Variants in EIF4G3 observed in about 807,000 individuals in gnomAD.
EIF4G3 encodes eukaryotic translation initiation factor 4 gamma 3.
In EIF4G3, 34 loss-of-function variants were observed where a neutral mutation model predicts 186.4. That is an observed-to-expected ratio of 0.18 (90% CI 0.14 to 0.24). The LOEUF (loss-of-function observed/expected upper bound fraction) is 0.24, where lower values mean the gene tolerates loss of function less well. Ranked by LOEUF, EIF4G3 falls within the 10% of genes least tolerant of loss-of-function variation. The pLI, the probability that EIF4G3 is intolerant of heterozygous loss-of-function variation, is 1.00. For synonymous variants in EIF4G3, 673 were observed against 679.5 expected, an observed-to-expected ratio of 0.99 and a Z score of 0.15; for missense variants, 1,536 against 1,948.5, an observed-to-expected ratio of 0.79 and a Z score of 3.99.
rs201615179 is a variant in EIF4G3, at chr1:20,817,287, TA to T, written c.4515+104del. 363 of 368,902 alleles carry T rather than the reference TA, an allele frequency of 9.8e-4. 4 individuals carry two copies. Among genetic ancestry groups the T allele is most frequent in the African/African-American group, 6.0e-3 (206 of 34,360 alleles). The allele number at this position is 368,902 out of a possible 1,614,324, so 22.9% of individuals were successfully genotyped here. A position where few individuals can be genotyped will look rare whatever the true frequency, so the allele number is the denominator to read the frequency against. The stretch of plus-strand genomic sequence containing the variant: ...AAAAAAATAAATAAATAAAAAAAAA[TA>T]AAAATAAAAATTCATGAAGTGAACT... On this transcript the variant is annotated intron_variant, in intron 34 of 36. Coordinates refer to ENST00000602326, the MANE Select transcript of EIF4G3 (RefSeq NM_001391906.1).
intron 4 of EIF4G3, among the ~76,000 whole-genome samples, chr1:21,028,741 C>A (rs1312128129): frequency 6.6e-6 from 1 of 152,164 alleles, no homozygotes; most frequent in Non-Finnish European, 1.5e-5. Context: ...TATGGCCTGT[C>A]GAGCTGTTGG....
At chr1:21,008,049 C>T (rs10916921) in intron 4 of EIF4G3, among the ~76,000 whole-genome samples, 56,141 of 151,990 alleles carry the variant, frequency 0.37, 11,011 homozygotes, top group Non-Finnish European at 0.43. Context: ...CTTTGGGAGG[C>T]CAAGACTGGA....
intron 2 of EIF4G3, among the ~76,000 whole-genome samples, chr1:21,101,577 A>G (rs1449938934): frequency 3.1e-5 from 4 of 130,172 alleles, no homozygotes; most frequent in African/African-American, 1.1e-4. Context: ...AAAAAAAAAC[A>G]ACAAAAAAAA....
intron 7 of EIF4G3, among the ~76,000 whole-genome samples, chr1:20,995,244 T>C (rs1210435677): frequency 2.0e-5 from 3 of 152,246 alleles, no homozygotes; most frequent in East Asian, 1.9e-4. Context: ...CGAACCCAAG[T>C]AGCAGAAACA....
chr1:20,850,186 AG>A (rs1385480891), intron 28 of EIF4G3, among the ~76,000 whole-genome samples: 1 of 152,232 alleles, frequency 6.6e-6, no homozygotes, highest in Non-Finnish European at 1.5e-5. Flanking sequence ...AGCAGACTGA[AG>A]GCCGAGAACA....
At chr1:20,857,878 G>C (rs1020476325) in intron 24 of EIF4G3, among the ~76,000 whole-genome samples, 4 of 152,094 alleles carry the variant, frequency 2.6e-5, no homozygotes, top group African/African-American at 9.7e-5. Context: ...GTATTTAATG[G>C]GATCAAATGA....
At chr1:21,033,503 G>A (rs1407695369) in intron 4 of EIF4G3, among the ~76,000 whole-genome samples, 3 of 151,980 alleles carry the variant, frequency 2.0e-5, no homozygotes, top group Non-Finnish European at 2.9e-5. Context: ...ACAAAAGACA[G>A]GCAAGGAACA....
chr1:20,845,718 T>C (rs2070743426), intron 29 of EIF4G3, among the ~76,000 whole-genome samples: 1 of 152,042 alleles, frequency 6.6e-6, no homozygotes, highest in African/African-American at 2.4e-5. Context: ...TATATATAGT[T>C]TGAAGTAGGG....
chr1:20,990,157 G>C (rs184314610), intron 7 of EIF4G3, among the ~76,000 whole-genome samples: 2 of 152,286 alleles, frequency 1.3e-5, no homozygotes, highest in South Asian at 4.1e-4. Flanking sequence ...ATGGGTGACA[G>C]AGCAAGACTC....
At chr1:20,893,332 A>G in intron 18 of EIF4G3, 185 bp downstream of exon 18, 1 of 558,308 alleles carries the variant, frequency 1.8e-6, no homozygotes, top group Admixed American at 4.1e-5. Flanking sequence ...GCTTCTGCCA[A>G]GTAAAAAGAA....
intron 24 of EIF4G3, among the ~76,000 whole-genome samples, chr1:20,857,799 A>G (rs1319950221): frequency 1.3e-5 from 2 of 152,364 alleles, no homozygotes; most frequent in Middle Eastern, 3.4e-3. Context: ...TAAATCCAGT[A>G]TTCACAGAAT....
At chr1:20,908,578 CA>C (rs2092666486) in intron 14 of EIF4G3, among the ~76,000 whole-genome samples, 1 of 152,124 alleles carries the variant, frequency 6.6e-6, no homozygotes, top group African/African-American at 2.4e-5. Context: ...GCGCACCTTA[CA>C]GTAACATTTT....
At chr1:21,094,045 T>C (rs2096281449) in intron 2 of EIF4G3, among the ~76,000 whole-genome samples, 2 of 151,904 alleles carry the variant, frequency 1.3e-5, no homozygotes, top group Non-Finnish European at 2.9e-5. Context: ...ATGGCGCATG[T>C]ACACATGTAA....
At chr1:20,826,945 T>C (rs1413397936) in intron 32 of EIF4G3, among the ~76,000 whole-genome samples, 1 of 152,168 alleles carries the variant, frequency 6.6e-6, no homozygotes, top group Non-Finnish European at 1.5e-5. Context: ...ATTTAGTACA[T>C]CTGTTTATGA....
At chr1:20,893,228 G>C (rs2086744010) in intron 18 of EIF4G3, 1 of 225,992 alleles carries the variant, frequency 4.4e-6, no homozygotes, top group South Asian at 1.4e-4. Flanking sequence ...CACCATCCCT[G>C]GCCATGGTTG....
chr1:20,857,082 G>C (rs1457458898), intron 25 of EIF4G3, among the ~76,000 whole-genome samples: 1 of 149,398 alleles, frequency 6.7e-6, no homozygotes, highest in Non-Finnish European at 1.5e-5. Context: ...AGAATGTTGT[G>C]AACTCGGGAG....
At chr1:21,098,007 G>A (rs539488212) in intron 2 of EIF4G3, among the ~76,000 whole-genome samples, 12 of 152,244 alleles carry the variant, frequency 7.9e-5, no homozygotes, top group Admixed American at 5.2e-4. Flanking sequence ...TTGGGAGGAC[G>A]AGGTGGGAGG....
intron 14 of EIF4G3, among the ~76,000 whole-genome samples, chr1:20,924,897 T>C (rs994035033): frequency 1.3e-5 from 2 of 152,230 alleles, no homozygotes; most frequent in African/African-American, 4.8e-5. Flanking sequence ...AAGACACATA[T>C]TACTGCAAAA....
rs756345271 is a variant in EIF4G3 at position 21,176,851 on chromosome 1, A to T, written c.-585T>A. On this transcript the variant is annotated 5_prime_UTR_variant, in exon 1 of 37. It removes an upstream start codon present in the reference 5' UTR. Transcript: ENST00000602326. ...ATTTTCTTCACTCAACGAGCAGAGC[A>T]TCCAACATGGCGCTGTGGCCGCCTC... 2 of 701,148 alleles carry T rather than the reference A, an allele frequency of 2.9e-6. No individual in the cohort carries two copies. The highest frequency in any genetic ancestry group is 1.5e-5 in the South Asian group (1 of 67,588). 43.4% of individuals were successfully genotyped at this position (701,148 alleles called of 1,614,324 possible). A position where few individuals can be genotyped will look rare whatever the true frequency, so the allele number is the denominator to read the frequency against.
Sources: allele counts gnomAD v4.1 joint callset (sites outside exome capture counted in the v4.1 genomes callset), GRCh38; gene constraint gnomAD v4.1.1; transcripts MANE v1.5; gene names NCBI Gene and HGNC (gene_info 2026-07-23, HGNC 2026-07-21).